PCDHA5: variants seen among roughly 807,000 people sequenced by gnomAD.
PCDHA5 encodes protocadherin alpha 5.
In PCDHA5, 43 loss-of-function variants were observed where a neutral mutation model predicts 61.6. That is an observed-to-expected ratio of 0.70 (90% CI 0.55 to 0.90). The LOEUF is 0.90. Ranked by LOEUF, PCDHA5 falls within the 40% of genes least tolerant of loss-of-function variation. The pLI, the probability that PCDHA5 is intolerant of heterozygous loss-of-function variation, is 0.00. For synonymous variants in PCDHA5, 627 were observed against 543.9 expected (o/e 1.15, Z -2.13); for missense variants, 1,298 against 1,222.7 (o/e 1.06, Z -0.92).
intron 1 of PCDHA5, chr5:140,966,544 G>C: frequency 2.1e-6 from 1 of 465,718 alleles, no homozygotes; most frequent in Non-Finnish European, 3.7e-6. Flanking sequence ...GCGACTCGGA[G>C]GCGAGCGGAG....
chr5:140,968,702 A>G, intron 1 of PCDHA5: 3 of 1,614,178 alleles, frequency 1.9e-6, no homozygotes, highest in Non-Finnish European at 2.5e-6. Flanking sequence ...TAGGACTACC[A>G]GGAAGATGGG....
chr5:140,829,585 G>T (rs2150170592), intron 1 of PCDHA5: 20 of 1,612,244 alleles, frequency 1.2e-5, no homozygotes, highest in Non-Finnish European at 1.6e-5. Context: ...TGGAGCGGCG[G>T]GTGGGCGAGC....
intron 1 of PCDHA5, chr5:140,866,274 A>G (rs1554160163): frequency 6.6e-6 from 1 of 152,156 alleles, no homozygotes; most frequent in African/African-American, 2.4e-5. Flanking sequence ...GTGAATAAAG[A>G]CAGTGTTTGG....
At chr5:140,829,136 G>C in intron 1 of PCDHA5, 12 of 1,613,236 alleles carry the variant, frequency 7.4e-6, no homozygotes, top group Non-Finnish European at 1.0e-5. Context: ...TAACGTCCCT[G>C]AGATAGCACT....
At chr5:140,999,182 G>T (rs1285087964) in intron 3 of PCDHA5, among the ~76,000 whole-genome samples, 4 of 152,204 alleles carry the variant, frequency 2.6e-5, no homozygotes, top group Non-Finnish European at 5.9e-5. Context: ...CTGATGGGGA[G>T]AGGGTCCTTG....
Position 140,946,631 on chromosome 5 carries a change from T to TATATATATATATATATATATATACAC in PCDHA5, c.2353-32317_2353-32316insTATATATATATATATATATATACACA, listed in dbSNP as rs57893927. Among the ~76,000 whole-genome samples, 213 of 131,752 alleles carry TATATATATATATATATATATATACAC rather than the reference T, an allele frequency of 1.6e-3. 5 individuals carry two copies. The highest frequency in any genetic ancestry group is 6.6e-3 in the African/African-American group (188 of 28,632). The allele number at this position is 131,752 out of a possible 152,430, so 86.4% of individuals were successfully genotyped here. A position where few individuals can be genotyped will look rare whatever the true frequency, so the allele number is the denominator to read the frequency against. Reference sequence around the variant, plus strand: ...TGTGAAATATATATATATATATATATACAATGGAATACTCATCAGCCATTA... The same window carrying TATATATATATATATATATATATACAC: ...TGTGAAATATATATATATATATATATATATATATATATATATATATATACACACAATGGAATACTCATCAGCCATTA... On this transcript the variant is annotated intron_variant, in intron 1 of 3. Transcript: ENST00000529859.
intron 1 of PCDHA5, chr5:140,859,513 T>C: frequency 5.1e-6 from 1 of 196,260 alleles, no homozygotes; most frequent in Non-Finnish European, 1.0e-5. Context: ...ACCCATGATT[T>C]CATTTTTAAA....
chr5:140,826,711 G>T (rs1554130645), intron 1 of PCDHA5, among the ~76,000 whole-genome samples: 1 of 152,172 alleles, frequency 6.6e-6, no homozygotes, highest in Non-Finnish European at 1.5e-5. Context: ...GTGGTATTGA[G>T]AAAGAGGAAG....
intron 1 of PCDHA5, among the ~76,000 whole-genome samples, chr5:140,897,559 G>A (rs1554187454): frequency 6.6e-6 from 1 of 152,026 alleles, no homozygotes; most frequent in African/African-American, 2.4e-5. Context: ...TGGTGTATAT[G>A]TGCCACATTT....
intron 1 of PCDHA5, among the ~76,000 whole-genome samples, chr5:140,845,178 C>A (rs1562424606): frequency 6.7e-6 from 1 of 149,120 alleles, no homozygotes; most frequent in Non-Finnish European, 1.5e-5. Context: ...CATTTTAGTC[C>A]TTTAAAAAAT....
intron 1 of PCDHA5, chr5:140,866,390 T>C (rs2049324113): frequency 6.6e-6 from 1 of 152,134 alleles, no homozygotes; most frequent in Non-Finnish European, 1.5e-5. Flanking sequence ...TTTAAAGACA[T>C]AGATTCCCAT....
intron 1 of PCDHA5, among the ~76,000 whole-genome samples, chr5:140,878,256 C>G (rs2057518420): frequency 6.6e-6 from 1 of 152,160 alleles, no homozygotes; most frequent in Admixed American, 6.5e-5. Flanking sequence ...TCCTCACGTG[C>G]TTAGGCTTTT....
At chr5:140,979,571 G>A (rs2096856939) in intron 2 of PCDHA5, among the ~76,000 whole-genome samples, 1 of 152,154 alleles carries the variant, frequency 6.6e-6, no homozygotes. Flanking sequence ...GCCATGTAAA[G>A]GGCTCCAAAT....
At chr5:140,869,242 C>T (rs781799282) in intron 1 of PCDHA5, 1 of 1,613,610 alleles carries the variant, frequency 6.2e-7, no homozygotes, top group East Asian at 2.2e-5. Context: ...CTTCGTGGGC[C>T]GCATCGCGCA....
At chr5:140,923,185 A>G (rs536691139) in intron 1 of PCDHA5, among the ~76,000 whole-genome samples, 1 of 152,324 alleles carries the variant, frequency 6.6e-6, no homozygotes, top group East Asian at 1.9e-4. Flanking sequence ...AGATGCATCT[A>G]CTGCAGCAAT....
chr5:140,871,247 T>C (rs1340682715), intron 1 of PCDHA5: 1 of 1,613,990 alleles, frequency 6.2e-7, no homozygotes, highest in Non-Finnish European at 8.5e-7. Context: ...CTCACGCTGC[T>C]GCTGTATACG....
intron 1 of PCDHA5, chr5:140,927,566 A>G: frequency 6.2e-7 from 1 of 1,614,168 alleles, no homozygotes; most frequent in Non-Finnish European, 8.5e-7. Flanking sequence ...ATTGTGGTGG[A>G]CACAAATGAC....
chr5:140,934,511 T>G (rs999288213), intron 1 of PCDHA5, among the ~76,000 whole-genome samples: 1 of 152,210 alleles, frequency 6.6e-6, no homozygotes. Context: ...AAAGGGTCCA[T>G]AGACCACACT....
At chr5:140,842,977 G>T (rs2150349031) in intron 1 of PCDHA5, 2 of 1,595,034 alleles carry the variant, frequency 1.3e-6, no homozygotes, top group Middle Eastern at 1.7e-4. Context: ...TGACGCTGCA[G>T]GTGTTCGTGC....
Sources: gnomAD v4.1 joint callset for allele counts (sites outside exome capture counted in the v4.1 genomes callset) on GRCh38, gnomAD v4.1.1 for gene constraint, MANE v1.5 for transcripts, NCBI Gene and HGNC (gene_info 2026-07-23, HGNC 2026-07-21) for gene names.